Variants in GOLPH3 observed in about 807,000 individuals in gnomAD.
GOLPH3 encodes the protein coat protein GPP34.
In GOLPH3, 14 loss-of-function variants were observed where a neutral mutation model predicts 28.5. The observed-to-expected ratio is 0.49, with a 90% CI of 0.32 to 0.77. GOLPH3 has a LOEUF of 0.77. Ranked by LOEUF, GOLPH3 falls within the 30% of genes least tolerant of loss-of-function variation. GOLPH3 has a pLI of 0.03. For synonymous variants in GOLPH3, 158 were observed against 159.2 expected, an observed-to-expected ratio of 0.99 and a Z score of 0.06; for missense variants, 350 against 393.7, an observed-to-expected ratio of 0.89 and a Z score of 0.94.
intron 3 of GOLPH3, among the ~76,000 whole-genome samples, chr5:32,133,797 G>A (rs1012508200): frequency 1.6e-4 from 24 of 152,054 alleles, no homozygotes; most frequent in African/African-American, 5.8e-4. Flanking sequence ...CTCATCAAAT[G>A]GGCAAAGCAA....
chr5:32,145,247 G>A (rs930657661), intron 1 of GOLPH3, among the ~76,000 whole-genome samples: 5 of 152,146 alleles, frequency 3.3e-5, no homozygotes, highest in African/African-American at 1.2e-4. Context: ...AGGCACAAGC[G>A]GATAAACAAA....
intron 1 of GOLPH3, among the ~76,000 whole-genome samples, chr5:32,145,096 C>A (rs1746159414): frequency 1.3e-5 from 2 of 152,152 alleles, no homozygotes; most frequent in African/African-American, 4.8e-5. Context: ...CTTTGTCAGG[C>A]CAGAGTAGTG....
intron 1 of GOLPH3, among the ~76,000 whole-genome samples, chr5:32,163,010 A>G (rs188944): frequency 0.93 from 141,244 of 151,888 alleles, 66,562 homozygotes; most frequent in East Asian, 1. Context: ...CCCGGGAGGC[A>G]GAGCTTGCAG....
intron 1 of GOLPH3, among the ~76,000 whole-genome samples, chr5:32,151,912 A>G (rs1457877101): frequency 2.0e-5 from 3 of 152,210 alleles, no homozygotes; most frequent in Non-Finnish European, 2.9e-5. Context: ...GGGTACCTAG[A>G]ATAGTCAAAT....
At chr5:32,156,319 C>G (rs1746425917) in intron 1 of GOLPH3, among the ~76,000 whole-genome samples, 1 of 151,966 alleles carries the variant, frequency 6.6e-6, no homozygotes, top group African/African-American at 2.4e-5. Flanking sequence ...TGGTCTCAGC[C>G]ATGATAAAAC....
chr5:32,157,831 G>A (rs1183976222), intron 1 of GOLPH3, among the ~76,000 whole-genome samples: 4 of 151,730 alleles, frequency 2.6e-5, no homozygotes, highest in African/African-American at 9.7e-5. Flanking sequence ...TACAAAATTA[G>A]CCGGGCATGG....
rs115506299 is a variant in GOLPH3 at position 32,132,620 on chromosome 5, G to A, written c.472+2952C>T. On this transcript the variant is annotated intron_variant, in intron 3 of 3. Transcript: ENST00000265070. ...CTGAGAGCACATTTTAAATTTCATA[G>A]CACATATGTCATTATTGGTGCAATA... Among the ~76,000 whole-genome samples the A allele has an allele frequency of 8.0e-3, 1,225 of 152,242 alleles. 11 individuals are homozygous for A. Among genetic ancestry groups the A allele is most frequent in the Admixed American group, 0.013 (201 of 15,302 alleles).
intron 2 of GOLPH3, among the ~76,000 whole-genome samples, chr5:32,138,534 C>T (rs561318375): frequency 1.1e-4 from 16 of 151,940 alleles, no homozygotes; most frequent in Non-Finnish European, 1.8e-4. Context: ...TATCCCTCCC[C>T]GCTCTTAAAT....
chr5:32,155,017 A>G (rs1351793203), intron 1 of GOLPH3, among the ~76,000 whole-genome samples: 11 of 150,128 alleles, frequency 7.3e-5, no homozygotes, highest in Non-Finnish European at 1.6e-4. Context: ...CAAGAGACAA[A>G]GGTTGCAGTG....
intron 1 of GOLPH3, among the ~76,000 whole-genome samples, chr5:32,159,348 T>C (rs1746524813): frequency 6.6e-6 from 1 of 152,244 alleles, no homozygotes; most frequent in Non-Finnish European, 1.5e-5. Flanking sequence ...TACACAATAT[T>C]TTAAATAGTT....
chr5:32,126,837 C>T (rs1240798303), intron 3 of GOLPH3, among the ~76,000 whole-genome samples: 2 of 152,148 alleles, frequency 1.3e-5, no homozygotes, highest in Non-Finnish European at 2.9e-5. Context: ...ACATCCTCAG[C>T]CACAGGAGTC....
chr5:32,147,442 A>G (rs1055193558), intron 1 of GOLPH3, among the ~76,000 whole-genome samples: 4 of 152,144 alleles, frequency 2.6e-5, no homozygotes, highest in Admixed American at 1.3e-4. Flanking sequence ...CAAACAAAAA[A>G]AAAAAGAAAA....
rs1211342632 is a variant in GOLPH3 at position 32,147,567 on chromosome 5, TTAG to T, written c.226-3690_226-3688del. Among the ~76,000 whole-genome samples, 49 of 152,166 alleles carry T rather than the reference TTAG, an allele frequency of 3.2e-4. 1 individual carries two copies. Among genetic ancestry groups the T allele is most frequent in the Admixed American group, 2.6e-3 (39 of 15,266 alleles). ...TTTTAGGGAGATTAGAAGAAAAGTT[TTAG>T]CAGCAGTAATGTCTGGTGATTATGG... is the stretch of plus-strand genomic sequence containing the variant. On this transcript the variant is annotated intron_variant, in intron 1 of 3. Coordinates refer to ENST00000265070, the MANE Select transcript of GOLPH3 (RefSeq NM_022130.4).
intron 1 of GOLPH3, among the ~76,000 whole-genome samples, chr5:32,169,237 G>A (rs934197502): frequency 3.3e-5 from 5 of 152,106 alleles, no homozygotes; most frequent in African/African-American, 4.8e-5. Flanking sequence ...AGCCAAGATC[G>A]CACCACTGCA....
intron 1 of GOLPH3, among the ~76,000 whole-genome samples, chr5:32,167,681 T>C (rs1746746868): frequency 6.6e-6 from 1 of 151,932 alleles, no homozygotes; most frequent in African/African-American, 2.4e-5. Flanking sequence ...CCAGGCGTGG[T>C]GGCTCACACC....
chr5:32,155,346 C>T (rs1359017972), intron 1 of GOLPH3, among the ~76,000 whole-genome samples: 1 of 152,114 alleles, frequency 6.6e-6, no homozygotes, highest in Non-Finnish European at 1.5e-5. Context: ...CCAGCACACT[C>T]GGCTTTTTAT....
intron 3 of GOLPH3, among the ~76,000 whole-genome samples, chr5:32,132,901 T>TA (rs935339564): frequency 3.3e-5 from 5 of 152,296 alleles, no homozygotes; most frequent in African/African-American, 1.2e-4. Flanking sequence ...TTTTTAACTT[T>TA]AAAAAAAGTC....
intron 2 of GOLPH3, among the ~76,000 whole-genome samples, chr5:32,140,087 A>T (rs1173580241): frequency 6.6e-6 from 1 of 152,218 alleles, no homozygotes; most frequent in Non-Finnish European, 1.5e-5. Flanking sequence ...TAGACTGAAA[A>T]AATTAATGCA....
At chr5:32,144,704 G>C (rs975989795) in intron 1 of GOLPH3, among the ~76,000 whole-genome samples, 7 of 152,182 alleles carry the variant, frequency 4.6e-5, no homozygotes, top group Admixed American at 3.3e-4. Context: ...ATAACAATCA[G>C]ATTGGCCCCA....
Sources: allele counts gnomAD v4.1 joint callset (sites outside exome capture counted in the v4.1 genomes callset), GRCh38; gene constraint gnomAD v4.1.1; transcripts MANE v1.5; gene names NCBI Gene and HGNC (gene_info 2026-07-23, HGNC 2026-07-21).